LRRTM4: variants seen among roughly 807,000 people sequenced by gnomAD.
LRRTM4 encodes leucine rich repeat transmembrane neuronal 4.
Under a neutral mutation model 47.6 loss-of-function variants are expected in LRRTM4, and 25 were observed. That is an observed-to-expected ratio of 0.53 (90% CI 0.38 to 0.73). The LOEUF (loss-of-function observed/expected upper bound fraction) is 0.73. Among genes scored for constraint, LRRTM4 ranks in the 30% least tolerant of loss-of-function variants. The probability of loss-of-function intolerance (pLI) is 0.00; values close to 1 mark genes in which losing one functional copy is unlikely to be tolerated. For missense variants in LRRTM4, 638 were observed against 713.4 expected, an observed-to-expected ratio of 0.89 and a Z score of 1.20; for synonymous variants, 311 against 269.5, an observed-to-expected ratio of 1.15 and a Z score of -1.51.
intron 3 of LRRTM4, among the ~76,000 whole-genome samples, chr2:77,420,781 G>GTA (rs759857665): frequency 1.4e-3 from 199 of 142,180 alleles, no homozygotes; most frequent in African/African-American, 2.7e-3. Context: ...AAATGGGAAT[G>GTA]TATATATATA....
In LRRTM4 at chr2:77,519,621, C is replaced by A; in HGVS notation, c.248G>T (p.Gly83Val). 6.2e-7 allele frequency: 1 copy of A among 1,613,406 alleles called. No individual in the cohort carries two copies. The highest frequency in any genetic ancestry group is 8.5e-7 in the Non-Finnish European group (1 of 1,179,638). Residue 83 changes from glycine (G) to valine (V), a missense_variant, in exon 3 of 4, where the codon GGC (glycine) becomes GTC (valine). Coordinates refer to ENST00000409884, the MANE Select transcript of LRRTM4 (RefSeq NM_001134745.3). This position sits in a 1 kb window ranked among gnomAD's most constrained non-coding sequence, Gnocchi z 4.6. ...IQKLKSNQFA[G>V]LNQLIWLYLD... ...ATAAAGCCATATAAGCTGGTTAAGG[C>A]CGGCAAACTGATTGGATTTGAGCTT...
chr2:76,972,181 T>C (rs1002399540), intron 3 of LRRTM4, among the ~76,000 whole-genome samples: 8 of 152,010 alleles, frequency 5.3e-5, no homozygotes, highest in Non-Finnish European at 1.2e-4. Context: ...AGTAGTTCTC[T>C]GAGAAACTCT....
At chr2:77,095,594 C>A (rs1342274756) in intron 3 of LRRTM4, among the ~76,000 whole-genome samples, 1 of 151,800 alleles carries the variant, frequency 6.6e-6, no homozygotes, top group Non-Finnish European at 1.5e-5. Context: ...CAACCTCCCC[C>A]TCCCCGGTTC....
chr2:76,781,575 C>A (rs1022426321), intron 3 of LRRTM4, among the ~76,000 whole-genome samples: 2 of 152,222 alleles, frequency 1.3e-5, no homozygotes, highest in East Asian at 1.9e-4. Context: ...TGACCCCTTG[C>A]GCTTCCCAAG....
intron 3 of LRRTM4, among the ~76,000 whole-genome samples, chr2:77,175,074 CT>C (rs34057321): frequency 0.45 from 62,247 of 138,230 alleles, 14,732 homozygotes; most frequent in Admixed American, 0.56. Context: ...TTTCTTTTTT[CT>C]TTTTTTTTTT....
At chr2:76,871,213 T>C (rs1047934005) in intron 3 of LRRTM4, among the ~76,000 whole-genome samples, 10 of 152,074 alleles carry the variant, frequency 6.6e-5, no homozygotes, top group African/African-American at 2.2e-4. Context: ...TTAAAAGAAA[T>C]AGAAAAGCCT....
At chr2:76,833,492 G>A (rs1671415157) in intron 3 of LRRTM4, among the ~76,000 whole-genome samples, 1 of 152,022 alleles carries the variant, frequency 6.6e-6, no homozygotes, top group Admixed American at 6.6e-5. Flanking sequence ...CATGATGGTT[G>A]GGTTTTAAAA....
intron 3 of LRRTM4, among the ~76,000 whole-genome samples, chr2:77,108,997 T>C (rs1319753502): frequency 2.0e-5 from 3 of 152,208 alleles, no homozygotes; most frequent in Non-Finnish European, 4.4e-5. Context: ...AATGAATTTC[T>C]CCAAAACATA....
At chr2:76,864,384 G>A (rs1050585373) in intron 3 of LRRTM4, among the ~76,000 whole-genome samples, 7 of 152,234 alleles carry the variant, frequency 4.6e-5, no homozygotes, top group African/African-American at 7.2e-5. Flanking sequence ...TGGGCTGGGC[G>A]TGGTGGCTCA....
At chr2:77,386,734 C>G (rs891662625) in intron 3 of LRRTM4, among the ~76,000 whole-genome samples, 1 of 151,922 alleles carries the variant, frequency 6.6e-6, no homozygotes, top group Non-Finnish European at 1.5e-5. Context: ...GGGAGTTGAA[C>G]AGTGAGAACA....
intron 3 of LRRTM4, among the ~76,000 whole-genome samples, chr2:76,753,045 C>A (rs1417737574): frequency 1.3e-5 from 2 of 152,128 alleles, no homozygotes; most frequent in Non-Finnish European, 2.9e-5. Flanking sequence ...TTCTACTATT[C>A]TGAAATTCTG....
At chr2:76,874,545 G>A (rs1051626743) in intron 3 of LRRTM4, among the ~76,000 whole-genome samples, 26 of 151,970 alleles carry the variant, frequency 1.7e-4, no homozygotes, top group African/African-American at 5.8e-4. Context: ...ATTAAATATT[G>A]AAAATATAAT....
intron 3 of LRRTM4, among the ~76,000 whole-genome samples, chr2:76,866,462 A>G (rs951868414): frequency 6.6e-6 from 1 of 151,212 alleles, no homozygotes; most frequent in African/African-American, 2.4e-5. Flanking sequence ...TCAATACTGT[A>G]TTTTTTTCTT....
chr2:77,452,667 C>A (rs181521588), intron 3 of LRRTM4, among the ~76,000 whole-genome samples: 1 of 151,978 alleles, frequency 6.6e-6, no homozygotes, highest in Non-Finnish European at 1.5e-5. Context: ...ATTCTTAATA[C>A]TTTTTTTTAA....
At chr2:77,477,098 G>A (rs920591218) in intron 3 of LRRTM4, among the ~76,000 whole-genome samples, 20 of 152,128 alleles carry the variant, frequency 1.3e-4, no homozygotes, top group African/African-American at 4.8e-4. Context: ...ATGTGGCTGA[G>A]AGCAAGAGGA....
At chr2:77,407,921 C>A (rs563947631) in intron 3 of LRRTM4, among the ~76,000 whole-genome samples, 4 of 151,238 alleles carry the variant, frequency 2.6e-5, no homozygotes, top group African/African-American at 9.7e-5. Flanking sequence ...TATCAAATAA[C>A]CTGGCAACAG....
At chr2:77,135,692 T>C (rs1437009122) in intron 3 of LRRTM4, among the ~76,000 whole-genome samples, 1 of 152,112 alleles carries the variant, frequency 6.6e-6, no homozygotes, top group Non-Finnish European at 1.5e-5. Flanking sequence ...AAAAATTGAG[T>C]ATAAGGAAGT....
intron 3 of LRRTM4, among the ~76,000 whole-genome samples, chr2:76,902,772 C>G (rs1021222198): frequency 2.0e-5 from 3 of 152,170 alleles, no homozygotes; most frequent in East Asian, 1.9e-4. Flanking sequence ...TAGAATCAAA[C>G]TGCCCTAGTT....
At chr2:77,044,653 A>G (rs913599652) in intron 3 of LRRTM4, among the ~76,000 whole-genome samples, 3 of 151,666 alleles carry the variant, frequency 2.0e-5, no homozygotes, top group African/African-American at 7.3e-5. Context: ...ACAAACATAT[A>G]CAAACACACA....
Sources: gnomAD v4.1 joint callset for allele counts (sites outside exome capture counted in the v4.1 genomes callset) on GRCh38, gnomAD v4.1.1 for gene constraint, Gnocchi (gnomAD v3.1) non-coding constraint, MANE v1.5 for transcripts, NCBI Gene and HGNC (gene_info 2026-07-23, HGNC 2026-07-21) for gene names.